The following PPP2R5E variants were observed in gnomAD, a reference collection of about 807,000 sequenced individuals.
PPP2R5E encodes protein phosphatase 2 regulatory subunit B'epsilon.
PPP2R5E carries 4 observed loss-of-function variants against 65.3 expected under a neutral mutation model. The ratio of observed to expected loss-of-function variants is 0.06; its 90% CI spans 0.03 to 0.14. The LOEUF (loss-of-function observed/expected upper bound fraction) is 0.14, where lower values mean the gene tolerates loss of function less well. Among genes scored for constraint, PPP2R5E ranks in the 10% least tolerant of loss-of-function variants. The pLI is 1.00. For synonymous variants in PPP2R5E, 183 were observed against 187.4 expected (o/e 0.98, Z 0.19); for missense variants, 274 against 556.1 (o/e 0.49, Z 5.10).
intron 2 of PPP2R5E, among the ~76,000 whole-genome samples, chr14:63,538,331 G>A (rs114811258): frequency 0.023 from 3,464 of 151,196 alleles, 138 homozygotes; most frequent in African/African-American, 0.08. Context: ...CACGATCTGG[G>A]CTCACTTCAA....
rs569652272 is a variant in PPP2R5E at position 63,391,805 on chromosome 14, G to A, written c.954+12C>T. 1.2e-6 allele frequency: 2 copies of A among 1,611,018 alleles called. No individual in the cohort carries two copies. Among genetic ancestry groups the A allele is most frequent in the Non-Finnish European group, 1.7e-6 (2 of 1,177,226 alleles). ...AGTAAGCTATGAACACTCTCTGACAGTAAGCACTTACCTCTTTTTGACTAC... is the reference window on the plus strand; with the variant it reads ...AGTAAGCTATGAACACTCTCTGACAATAAGCACTTACCTCTTTTTGACTAC... On this transcript the variant is annotated intron_variant, in intron 10 of 13. Coordinates refer to ENST00000337537, the MANE Select transcript of PPP2R5E (RefSeq NM_006246.5).
chr14:63,503,410 A>G (rs151240891), intron 2 of PPP2R5E, among the ~76,000 whole-genome samples: 4 of 152,310 alleles, frequency 2.6e-5, no homozygotes, highest in East Asian at 1.9e-4. Flanking sequence ...CCAAAGCAAT[A>G]TCCAGTCTGC....
chr14:63,399,079 G>A (rs1217473161), intron 5 of PPP2R5E, among the ~76,000 whole-genome samples: 1 of 152,132 alleles, frequency 6.6e-6, no homozygotes, highest in East Asian at 1.9e-4. Flanking sequence ...ATGTTCATGG[G>A]AGCAATATTC....
intron 2 of PPP2R5E, among the ~76,000 whole-genome samples, chr14:63,491,875 TTC>T (rs1209273089): frequency 2.6e-5 from 4 of 152,136 alleles, no homozygotes; most frequent in Admixed American, 1.3e-4. Context: ...AATCAATTTC[TTC>T]TGTTTTTCAC....
At chr14:63,515,709 T>TG (rs1328509658) in intron 2 of PPP2R5E, among the ~76,000 whole-genome samples, 1 of 151,100 alleles carries the variant, frequency 6.6e-6, no homozygotes, top group African/African-American at 2.4e-5. Context: ...TTAGTAGAAA[T>TG]GGGGTTTCAC....
chr14:63,440,133 G>A (rs572610578), intron 3 of PPP2R5E, among the ~76,000 whole-genome samples: 24 of 152,262 alleles, frequency 1.6e-4, no homozygotes, highest in African/African-American at 5.8e-4. Flanking sequence ...CTAAGGGTGG[G>A]GCAGAGAGAG....
chr14:63,515,026 T>C (rs910704468), intron 2 of PPP2R5E, among the ~76,000 whole-genome samples: 6 of 152,158 alleles, frequency 3.9e-5, no homozygotes, highest in Admixed American at 2.0e-4. Context: ...ACATGCAATA[T>C]CTCTGTGTCT....
At chr14:63,503,398 T>C (rs904555627) in intron 2 of PPP2R5E, among the ~76,000 whole-genome samples, 1 of 152,156 alleles carries the variant, frequency 6.6e-6, no homozygotes, top group African/African-American at 2.4e-5. Context: ...ACTATGACAC[T>C]GCCAAAGCAA....
chr14:63,449,685 T>A (rs185001082), intron 3 of PPP2R5E, among the ~76,000 whole-genome samples: 11 of 151,964 alleles, frequency 7.2e-5, no homozygotes, highest in African/African-American at 1.7e-4. Context: ...GGTGGAATAT[T>A]TAAGGAGGGA....
intron 3 of PPP2R5E, among the ~76,000 whole-genome samples, chr14:63,432,422 C>A (rs575536669): frequency 3.3e-5 from 5 of 152,158 alleles, no homozygotes; most frequent in African/African-American, 1.2e-4. Context: ...CGGAGCACTG[C>A]CAACTGTATG....
chr14:63,459,988 A>G (rs1889363788), intron 2 of PPP2R5E, among the ~76,000 whole-genome samples: 1 of 152,170 alleles, frequency 6.6e-6, no homozygotes, highest in African/African-American at 2.4e-5. Flanking sequence ...TCTGTTAGAG[A>G]GCTTGAGAAA....
At chr14:63,436,759 A>T (rs1319101473) in intron 3 of PPP2R5E, among the ~76,000 whole-genome samples, 1 of 152,152 alleles carries the variant, frequency 6.6e-6, no homozygotes, top group Non-Finnish European at 1.5e-5. Context: ...AGAAGGATCT[A>T]GGGGCAGGAA....
rs1566714130 is a variant in PPP2R5E, at chr14:63,453,680, G to T, written c.354+9C>A. On this transcript the variant is annotated intron_variant, in intron 3 of 13. Coordinates refer to ENST00000337537, the MANE Select transcript of PPP2R5E (RefSeq NM_006246.5). Reference sequence around the variant, plus strand: ...TTAAAAGTGTCCGCGGAGAAAAAAAGAAACTCACCATTCTAACTACTTCAG... The same window carrying T: ...TTAAAAGTGTCCGCGGAGAAAAAAATAAACTCACCATTCTAACTACTTCAG... The T allele has an allele frequency of 6.2e-7, 1 of 1,612,268 alleles. No homozygotes were observed. The highest frequency in any genetic ancestry group is 8.5e-7 in the Non-Finnish European group (1 of 1,179,178).
intron 2 of PPP2R5E, among the ~76,000 whole-genome samples, chr14:63,497,570 G>A (rs1298530784): frequency 6.6e-6 from 1 of 151,158 alleles, no homozygotes; most frequent in African/African-American, 2.4e-5. Flanking sequence ...TCAACATGGT[G>A]AAACCCGTCT....
chr14:63,407,776 G>C, intron 5 of PPP2R5E, among the ~76,000 whole-genome samples: 1 of 152,142 alleles, frequency 6.6e-6, no homozygotes, highest in East Asian at 1.9e-4. Flanking sequence ...GAGGTCATAA[G>C]GGCTCTGCCC....
At chr14:63,521,433 C>T (rs112799272) in intron 2 of PPP2R5E, among the ~76,000 whole-genome samples, 3,082 of 152,256 alleles carry the variant, frequency 0.02, 120 homozygotes, top group African/African-American at 0.069. Flanking sequence ...CTTTGGGAGG[C>T]GGAGGCGGGC....
chr14:63,474,844 C>A (rs1279023557), intron 2 of PPP2R5E, among the ~76,000 whole-genome samples: 1 of 152,008 alleles, frequency 6.6e-6, no homozygotes, highest in Admixed American at 6.6e-5. Flanking sequence ...GGCAAGAGTG[C>A]AGAAAGTGAA....
At chr14:63,444,072 A>G (rs1888361975) in intron 3 of PPP2R5E, among the ~76,000 whole-genome samples, 1 of 152,186 alleles carries the variant, frequency 6.6e-6, no homozygotes, top group Non-Finnish European at 1.5e-5. Context: ...GAACCTTTCA[A>G]CACTTATCCA....
chr14:63,526,580 G>T (rs1445699002), intron 2 of PPP2R5E, among the ~76,000 whole-genome samples: 1 of 151,552 alleles, frequency 6.6e-6, no homozygotes, highest in Non-Finnish European at 1.5e-5. Context: ...TTGAGACAGG[G>T]TCTCACTCTG....
Sources: gnomAD v4.1 joint callset for allele counts (sites outside exome capture counted in the v4.1 genomes callset) on GRCh38, gnomAD v4.1.1 for gene constraint, MANE v1.5 for transcripts, NCBI Gene and HGNC (gene_info 2026-07-23, HGNC 2026-07-21) for gene names.